MME: variants seen among roughly 807,000 people sequenced by gnomAD.
MME encodes membrane metalloendopeptidase.
MME carries 98 observed loss-of-function variants against 113.2 expected under a neutral mutation model. That is an observed-to-expected ratio of 0.87 (90% confidence interval 0.74 to 1.02). MME has a LOEUF of 1.02. Among genes scored for constraint, MME ranks in the 50% least tolerant of loss-of-function variants. The probability of loss-of-function intolerance (pLI) is 0.00; values close to 1 mark genes in which losing one functional copy is unlikely to be tolerated. For synonymous variants in MME, 292 were observed against 300.6 expected (o/e 0.97, Z 0.30); for missense variants, 836 against 896.0 (o/e 0.93, Z 0.86).
intron 1 of MME, among the ~76,000 whole-genome samples, chr3:155,039,230 G>A (rs1341079780): frequency 1.3e-5 from 2 of 152,194 alleles, no homozygotes; most frequent in Non-Finnish European, 2.9e-5. Context: ...GACAGACGAT[G>A]TGGTGGGAAG....
chr3:155,085,739 C>T (rs1715645386), intron 3 of MME: 1 of 152,396 alleles, frequency 6.6e-6, no homozygotes. Flanking sequence ...CCATATTGAT[C>T]AGGCTGGTTT....
chr3:155,132,963 C>T (rs1720255624), intron 8 of MME, among the ~76,000 whole-genome samples: 1 of 147,828 alleles, frequency 6.8e-6, no homozygotes, highest in Non-Finnish European at 1.5e-5. Context: ...ATCACTTGAA[C>T]CCAGGACGCG....
chr3:155,146,295 G>A (rs1184606994), intron 14 of MME, among the ~76,000 whole-genome samples: 2 of 152,124 alleles, frequency 1.3e-5, no homozygotes, highest in Non-Finnish European at 2.9e-5. Context: ...GGAGGCCGAG[G>A]CAGGCAGATT....
intron 1 of MME, among the ~76,000 whole-genome samples, chr3:155,037,771 T>G (rs556066283): frequency 3.3e-5 from 5 of 152,288 alleles, no homozygotes; most frequent in African/African-American, 1.2e-4. Flanking sequence ...ATGTGAGCAC[T>G]GGGGAAACAT....
intron 8 of MME, among the ~76,000 whole-genome samples, chr3:155,133,663 C>CATATATAT (rs61223926): frequency 4.4e-5 from 6 of 136,848 alleles, no homozygotes; most frequent in African/African-American, 1.6e-4. Context: ...ATACACACAC[C>CATATATAT]ATATATATAT....
chr3:155,172,691 A>G, intron 22 of MME, 79 bp downstream of exon 22: 1 of 1,076,220 alleles, frequency 9.3e-7, no homozygotes, highest in East Asian at 2.4e-5. Context: ...GACTTTTCTA[A>G]CTCTGATTCT....
At chr3:155,025,586 T>C (rs1712751799) in intron 1 of MME, among the ~76,000 whole-genome samples, 1 of 144,864 alleles carries the variant, frequency 6.9e-6, no homozygotes, top group Non-Finnish European at 1.5e-5. Flanking sequence ...ATAGTGCCAT[T>C]GCACTCCAGC....
At position 155,085,086 on chromosome 3, in the gene MME, T is replaced by A; in HGVS notation, c.188T>A (p.Ile63Lys). 1 of 1,583,728 alleles carries A rather than the reference T, an allele frequency of 6.3e-7. No individual in the cohort carries two copies. Among genetic ancestry groups the A allele is most frequent in the African/African-American group, 1.3e-5 (1 of 74,582 alleles). The stretch of plus-strand genomic sequence containing the variant: ...GGTATTTGCAAGTCATCAGACTGCA[T>A]AAAATCAGGTAAGAAATGGTTTTTA... The part of the protein sequence containing the change: ...DDGICKSSDC[I>K]KSAARLIQNM... Residue 63 changes from isoleucine to lysine, a missense_variant, in exon 3 of 23, where the codon ATA becomes AAA. Transcript: ENST00000360490.
At chr3:155,124,940 A>G (rs992156764) in intron 8 of MME, among the ~76,000 whole-genome samples, 264 of 152,080 alleles carry the variant, frequency 1.7e-3, no homozygotes, top group African/African-American at 4.6e-3. Flanking sequence ...GCTGTGGTGG[A>G]CTCCACCCAG....
At chr3:155,078,659 ATGTGTGTGTGTGTGTGTGTGTG>A (rs5853711), upstream of MME, among the ~76,000 whole-genome samples, 2 of 141,844 alleles carry the variant, frequency 1.4e-5, no homozygotes, top group Non-Finnish European at 3.1e-5. Context: ...ATGTGTGTGT[ATGTGTGTGTGTGTGTGTGTGTG>A]TGTGTGTGTG....
chr3:155,100,195 A>C (rs1408556463), intron 3 of MME, among the ~76,000 whole-genome samples: 1 of 152,216 alleles, frequency 6.6e-6, no homozygotes, highest in Non-Finnish European at 1.5e-5. Flanking sequence ...GAACTCCAAC[A>C]AATTTACAAG....
chr3:155,058,076 AG>A (rs1714002876), intron 1 of MME, among the ~76,000 whole-genome samples: 1 of 152,152 alleles, frequency 6.6e-6, no homozygotes, highest in South Asian at 2.1e-4. Flanking sequence ...ACACCAGTAG[AG>A]AGTCTACACA....
chr3:155,048,348 T>C (rs1713637508), intron 1 of MME, among the ~76,000 whole-genome samples: 2 of 152,182 alleles, frequency 1.3e-5, no homozygotes, highest in Admixed American at 1.3e-4. Context: ...ATATGGAACA[T>C]GTCATTCAGT....
At chr3:155,097,988 T>C (rs539527206) in intron 3 of MME, among the ~76,000 whole-genome samples, 7 of 152,114 alleles carry the variant, frequency 4.6e-5, no homozygotes, top group Admixed American at 1.3e-4. Context: ...ATGCTAAGGA[T>C]ACTTAGCACC....
intron 8 of MME, among the ~76,000 whole-genome samples, chr3:155,131,315 G>A (rs1340017354): frequency 6.6e-6 from 1 of 152,122 alleles, no homozygotes; most frequent in Non-Finnish European, 1.5e-5. Flanking sequence ...AAACTGCTCG[G>A]CCAATATGTG....
upstream of MME, among the ~76,000 whole-genome samples, chr3:155,077,294 T>A (rs1261204549): frequency 1.3e-5 from 2 of 152,240 alleles, no homozygotes; most frequent in African/African-American, 4.8e-5. Flanking sequence ...AAGGATCCAT[T>A]CTGCAAACTG....
intron 1 of MME, among the ~76,000 whole-genome samples, chr3:155,039,389 A>C (rs531636455): frequency 6.6e-6 from 1 of 152,312 alleles, no homozygotes; most frequent in African/African-American, 2.4e-5. Flanking sequence ...TAAATAGGTC[A>C]GGGGTATATT....
chr3:155,096,068 C>T (rs1296131184), intron 3 of MME, among the ~76,000 whole-genome samples: 2 of 152,086 alleles, frequency 1.3e-5, no homozygotes, highest in African/African-American at 4.8e-5. Context: ...AGTTTAGGAC[C>T]TACTAGTGGT....
intron 1 of MME, among the ~76,000 whole-genome samples, chr3:155,040,599 CAGAG>C (rs1713279195): frequency 6.6e-6 from 1 of 151,368 alleles, no homozygotes; most frequent in Admixed American, 6.6e-5. Context: ...AAGACTGAGA[CAGAG>C]AGAGAGTGAA....
Sources: allele counts gnomAD v4.1 joint callset (sites outside exome capture counted in the v4.1 genomes callset), GRCh38; gene constraint gnomAD v4.1.1; transcripts MANE v1.5; gene names NCBI Gene and HGNC (gene_info 2026-07-23, HGNC 2026-07-21).